The following FTSJ1 variants were observed in gnomAD, a reference collection of about 807,000 sequenced individuals.
FTSJ1 encodes the protein tRNA (cytidine(32)/guanosine(34)-2'-O)-methyltransferase.
In FTSJ1, 3 loss-of-function variants were observed where a neutral mutation model predicts 28.5. That is an observed-to-expected ratio of 0.11 (90% confidence interval 0.05 to 0.27). FTSJ1 has a LOEUF of 0.27. Among genes scored for constraint, FTSJ1 ranks in the 10% least tolerant of loss-of-function variants. The pLI is 1.00. For missense variants in FTSJ1, 162 were observed against 279.0 expected (o/e 0.58, Z 2.99); for synonymous variants, 104 against 113.9 (o/e 0.91, Z 0.55).
At chrX:48,481,122 C>T (rs1556968366) in intron 5 of FTSJ1, 29 bp from the exon 6 acceptor site, 2 of 1,182,041 alleles carry the variant, frequency 1.7e-6, no homozygotes, top group Non-Finnish European at 1.2e-6. Context: ...CCAGATGGGA[C>T]CCCCCTAACG....
In FTSJ1 at chrX:48,478,457, C is replaced by T. The variant is rs895301921; in HGVS notation, c.130C>T (p.Arg44Trp). The T allele has an allele frequency of 3.3e-6, 4 of 1,208,314 alleles. No individual in the cohort carries two copies. Among genetic ancestry groups the T allele is most frequent in the East Asian group, 3.0e-5 (1 of 33,849 alleles). ...TCACTATGTATGCCCAGGCGTGACA[C>T]GGGCAGTTGACCTGTGTGCAGCCCC... is the stretch of plus-strand genomic sequence containing the variant. ...KEFQLFQGVTRAVDLCAAPGS... is the reference protein window; with the variant it reads ...KEFQLFQGVTWAVDLCAAPGS... The change falls in exon 3 of 13, where the codon CGG becomes TGG. Residue 44 changes from arginine to tryptophan, a missense_variant. Arg to Trp is a moderately radical substitution (Grantham distance 101). Transcript: ENST00000348411.
rs782485981 is a variant in FTSJ1, at chrX:48,483,033, T to G, written c.*9+6T>G. The G allele has an allele frequency of 8.4e-7, 1 of 1,184,305 alleles. No individual in the cohort carries two copies. Among genetic ancestry groups the G allele is most frequent in the Admixed American group, 2.2e-5 (1 of 46,013 alleles). ...GTTCACCTTAACCCATTACGGTAAG[T>G]TTGCCTTGTTATCTAAGAGTTTGAG... On this transcript the variant is annotated splice_donor_region_variant and intron_variant, in intron 12 of 12. Transcript: ENST00000348411.
chrX:48,482,049 G>A (rs1293860537), intron 9 of FTSJ1, among the ~76,000 whole-genome samples: 1 of 112,240 alleles, frequency 8.9e-6, no homozygotes, highest in Non-Finnish European at 1.9e-5. Flanking sequence ...CATGTCCCAG[G>A]TGGAAACCTC....
At chrX:48,477,808 C>G (rs781993597) in intron 1 of FTSJ1, among the ~76,000 whole-genome samples, 153 bp from the exon 2 acceptor site, 2 of 110,695 alleles carry the variant, frequency 1.8e-5, no homozygotes, top group Non-Finnish European at 3.8e-5. Context: ...GTGTGATAAG[C>G]AGTGGAGCCT....
At chrX:48,483,226 C>T (rs950277979) in intron 12 of FTSJ1, 199 bp downstream of exon 12, 2 of 439,716 alleles carry the variant, frequency 4.5e-6, no homozygotes, top group African/African-American at 4.9e-5. Flanking sequence ...TTATTGAGCA[C>T]ATACTGTATG....
chrX:48,476,915 G>A (rs1359454289), intron 1 of FTSJ1, among the ~76,000 whole-genome samples: 2 of 110,874 alleles, frequency 1.8e-5, no homozygotes, highest in African/African-American at 6.6e-5. Context: ...AATGGAAAGT[G>A]ATGGGGCATC....
In FTSJ1 at chrX:48,481,136, T is replaced by C; in HGVS notation, c.362-15T>C. 1.7e-6 allele frequency: 2 copies of C among 1,204,300 alleles called. No homozygotes were observed. Among genetic ancestry groups the C allele is most frequent in the Non-Finnish European group, 1.1e-6 (1 of 889,038 alleles). On this transcript the variant is annotated splice_polypyrimidine_tract_variant and intron_variant, in intron 5 of 12. Coordinates refer to ENST00000348411, the MANE Select transcript of FTSJ1 (RefSeq NM_012280.4). ...GCCAGATGGGACCCCCCTAACGCTG[T>C]TCCTCTTGCCACAGTAACCGGTCTC...
intron 5 of FTSJ1, 94 bp from the exon 6 acceptor site, chrX:48,481,057 A>G: frequency 3.8e-6 from 3 of 791,110 alleles, no homozygotes; most frequent in Non-Finnish European, 5.8e-6. Context: ...GCAGTAAGAC[A>G]GCCTGGAAAA....
chrX:48,477,290 G>A (rs59916075), intron 1 of FTSJ1, among the ~76,000 whole-genome samples: 3,407 of 110,804 alleles, frequency 0.031, 133 homozygotes, highest in African/African-American at 0.11. Context: ...CAGGGCAGGA[G>A]GCTAGTGCTG....
rs202218577 is a variant in FTSJ1 at position 48,481,758 on chromosome X, C to T, written c.655+43C>T. ...GGCCACCCTGGGGGACTCTGCCACA[C>T]CTTATGCAATCTAGGTCCCATGAGG... is the stretch of plus-strand genomic sequence containing the variant. On this transcript the variant is annotated intron_variant, in intron 9 of 12. Transcript: ENST00000348411. The T allele has an allele frequency of 6.5e-5, 53 of 812,380 alleles. No homozygotes were observed. In the East Asian group the frequency reaches 1.7e-3, roughly 26 times the overall value. 66.9% of individuals were successfully genotyped at this position (812,380 alleles called of 1,213,427 possible).
chrX:48,481,116 A>C lies in FTSJ1; in HGVS notation c.362-35A>C, dbSNP rs373644009. 58 of 1,167,039 alleles carry C rather than the reference A, an allele frequency of 5.0e-5. No individual in the cohort carries two copies. The Admixed American group carries it at 9.4e-4, about 19-fold the overall frequency. ...GGTACAAGAAGATGCACAGAGCCAG[A>C]TGGGACCCCCCTAACGCTGTTCCTC... is the stretch of plus-strand genomic sequence containing the variant. On this transcript the variant is annotated intron_variant, in intron 5 of 12. Transcript: ENST00000348411.
intron 9 of FTSJ1, 146 bp from the exon 10 acceptor site, chrX:48,482,257 T>G: frequency 2.0e-6 from 1 of 502,798 alleles, no homozygotes; most frequent in Non-Finnish European, 3.6e-6. Context: ...GGAGGTGATC[T>G]GAACCAAATG....
chrX:48,482,346 C>T lies in FTSJ1; in HGVS notation c.656-57C>T, dbSNP rs781872850. 7 of 820,680 alleles carry T rather than the reference C, an allele frequency of 8.5e-6. No individual in the cohort carries two copies. In the East Asian group the frequency reaches 1.9e-4, roughly 22 times the overall value. The allele number at this position is 820,680 out of a possible 1,213,427, so 67.6% of individuals were successfully genotyped here. A position where few individuals can be genotyped will look rare whatever the true frequency, so the allele number is the denominator to read the frequency against. ...TTGGCAGCCATACCGCCGCCTGTGT[C>T]ATGACTGGCCCCAGGCATCCTGACC... On this transcript the variant is annotated intron_variant, in intron 9 of 12. Transcript: ENST00000348411.
At chrX:48,479,735 C>T (rs1472529322) in intron 5 of FTSJ1, among the ~76,000 whole-genome samples, 1 of 111,932 alleles carries the variant, frequency 8.9e-6, no homozygotes, top group African/African-American at 3.3e-5. Context: ...CCCAGTTACT[C>T]AGGAGGCTGA....
Position 48,478,678 on chromosome X carries a change from G to A in FTSJ1, c.253G>A (p.Val85Met). Reference protein sequence around the residue: ...DLQAMAPLPGVVQIQGDITQL... With the variant: ...DLQAMAPLPGMVQIQGDITQL... ...GCAGGCTATGGCTCCACTACCAGGT[G>A]TGGTACAGATCCAGGGGGACATCAC... Residue 85 changes from valine to methionine, a missense_variant, in exon 4 of 13, where the codon GTG becomes ATG. By Grantham distance (21) the Val-to-Met change is conservative. Transcript: ENST00000348411. 8.3e-7 allele frequency: 1 copy of A among 1,206,564 alleles called. No individual in the cohort carries two copies.
rs201218884 is a variant in FTSJ1, at chrX:48,478,194, G to A, written c.121+26G>A. 1.1e-4 allele frequency: 125 copies of A among 1,186,117 alleles called. No individual in the cohort carries two copies. In the African/African-American group the frequency reaches 2.0e-3, roughly 19 times the overall value. On this transcript the variant is annotated intron_variant, in intron 2 of 12. Transcript: ENST00000348411. ...GTCCCTGACTGGTGGGCAGGTCACTGGGCGGTGAGGTGGGCACAGGAGGTA... is the reference window on the plus strand; with the variant it reads ...GTCCCTGACTGGTGGGCAGGTCACTAGGCGGTGAGGTGGGCACAGGAGGTA...
rs2061575177 is a variant in FTSJ1 at position 48,482,391 on chromosome X, CCT to C, written c.656-11_656-10del. 1 of 1,161,905 alleles carries C rather than the reference CCT, an allele frequency of 8.6e-7. No individual in the cohort carries two copies. Among genetic ancestry groups the C allele is most frequent in the Non-Finnish European group, 1.2e-6 (1 of 851,920 alleles). ...CTGACCTTGTCCTCAGTTGTCTCCC[CCT>C]GTTCCTAAGACCCAGATTTCAACCA... On this transcript the variant is annotated splice_polypyrimidine_tract_variant and intron_variant, in intron 9 of 12. Coordinates refer to ENST00000348411, the MANE Select transcript of FTSJ1 (RefSeq NM_012280.4).
In FTSJ1 at chrX:48,476,244, G is replaced by A. The variant is rs906626396; in HGVS notation, c.-240G>A. The A allele has an allele frequency of 1.0e-5, 3 of 297,563 alleles. No individual in the cohort carries two copies. Among genetic ancestry groups the A allele is most frequent in the Non-Finnish European group, 1.2e-5 (2 of 170,322 alleles). The allele number at this position is 297,563 out of a possible 1,213,427, so 24.5% of individuals were successfully genotyped here. On this transcript the variant is annotated 5_prime_UTR_variant, in exon 1 of 13. It removes an upstream start codon present in the reference 5' UTR. Transcript: ENST00000348411. ...CGCCGGAACCTGGGCGATCCACGAT[G>A]CCGAGTTTGCCACGCTGCGACAGCC...
At chrX:48,481,112 C>T in intron 5 of FTSJ1, 39 bp from the exon 6 acceptor site, 1 of 1,143,923 alleles carries the variant, frequency 8.7e-7, no homozygotes, top group Non-Finnish European at 1.2e-6. Flanking sequence ...ATGCACAGAG[C>T]CAGATGGGAC....
Sources: allele counts gnomAD v4.1 joint callset (sites outside exome capture counted in the v4.1 genomes callset), GRCh38; gene constraint gnomAD v4.1.1; transcripts MANE v1.5; gene names NCBI Gene and HGNC (gene_info 2026-07-23, HGNC 2026-07-21).